Variants in ATRN observed in about 807,000 individuals in gnomAD.
ATRN encodes attractin-2.
A neutral mutation model predicts 178.7 loss-of-function variants in ATRN; 54 were observed. The ratio of observed to expected loss-of-function variants is 0.30; its 90% CI spans 0.24 to 0.38. The LOEUF (loss-of-function observed/expected upper bound fraction) is 0.38, where lower values mean the gene tolerates loss of function less well. ATRN is among the 10% of genes least tolerant of loss of function. The pLI is 1.00. For missense variants in ATRN, 1,443 were observed against 1,815.1 expected, an observed-to-expected ratio of 0.79 and a Z score of 3.73; for synonymous variants, 636 against 663.0, an observed-to-expected ratio of 0.96 and a Z score of 0.63.
intron 24 of ATRN, among the ~76,000 whole-genome samples, chr20:3,619,690 A>G (rs2086881675): frequency 6.6e-6 from 1 of 152,222 alleles, no homozygotes; most frequent in Non-Finnish European, 1.5e-5. Context: ...TCTACCCACC[A>G]TACTTAATTA....
intron 24 of ATRN, among the ~76,000 whole-genome samples, chr20:3,616,142 A>T (rs1414173202): frequency 6.6e-6 from 1 of 151,670 alleles, no homozygotes; most frequent in East Asian, 1.9e-4. Context: ...CTTTAATGCT[A>T]TTGTTCCCTT....
intron 6 of ATRN, among the ~76,000 whole-genome samples, chr20:3,556,460 G>A (rs979329933): frequency 3.3e-5 from 5 of 152,266 alleles, no homozygotes; most frequent in Admixed American, 3.3e-4. Flanking sequence ...CTTTGCCTTG[G>A]TCTTTAGGTG....
In ATRN at chr20:3,545,899, C is replaced by G; in HGVS notation, c.737+9C>G. 1 of 1,612,300 alleles carries G rather than the reference C, an allele frequency of 6.2e-7. No individual in the cohort carries two copies. The highest frequency in any genetic ancestry group is 8.5e-7 in the Non-Finnish European group (1 of 1,178,690). ...TTTAATATTACTTACAGGTAAGATA[C>G]TTAAGTCTAGTATTTGTGATTTCAT... On this transcript the variant is annotated intron_variant, in intron 4 of 28. Coordinates refer to ENST00000262919, the MANE Select transcript of ATRN (RefSeq NM_139321.3).
intron 2 of ATRN, among the ~76,000 whole-genome samples, chr20:3,538,364 A>C (rs900649235): frequency 6.6e-6 from 1 of 152,076 alleles, no homozygotes; most frequent in Non-Finnish European, 1.5e-5. Context: ...CCATTAGTAA[A>C]TGCCAGCATG....
chr20:3,496,402 G>A lies in ATRN; in HGVS notation c.410+24885G>A, dbSNP rs1345115634. 4.0e-5 allele frequency among the ~76,000 whole-genome samples: 6 copies of A among 151,578 alleles called. No homozygotes were observed. In the East Asian group the frequency reaches 5.8e-4, roughly 15 times the overall value. On this transcript the variant is annotated intron_variant, in intron 1 of 28. Coordinates refer to ENST00000262919, the MANE Select transcript of ATRN (RefSeq NM_139321.3). ...ACATCTTTATTTCTGCCTTCATTTC[G>A]TTATGTACCCAGTAGTCATTCAGGA...
At chr20:3,642,107 C>T (rs2087073745) in intron 27 of ATRN, among the ~76,000 whole-genome samples, 1 of 152,222 alleles carries the variant, frequency 6.6e-6, no homozygotes, top group South Asian at 2.1e-4. Flanking sequence ...GCTGTTCTTG[C>T]TCAGTGGTCT....
At chr20:3,589,480 T>G (rs920087363) in intron 18 of ATRN, among the ~76,000 whole-genome samples, 1 of 152,208 alleles carries the variant, frequency 6.6e-6, no homozygotes, top group African/African-American at 2.4e-5. Context: ...ATGCAATAAT[T>G]TAAGCCTTAT....
chr20:3,582,779 T>C lies in ATRN; in HGVS notation c.2764+425T>C, dbSNP rs113170420. Reference sequence around the variant, plus strand: ...GCAGGGACAGTGTTCAGAAAGGTAGTGTCAACAGGGAGAAAAATGATGAGA... The same window carrying C: ...GCAGGGACAGTGTTCAGAAAGGTAGCGTCAACAGGGAGAAAAATGATGAGA... On this transcript the variant is annotated intron_variant, in intron 16 of 28. Coordinates refer to ENST00000262919, the MANE Select transcript of ATRN (RefSeq NM_139321.3). Among the ~76,000 whole-genome samples the C allele has an allele frequency of 1.3e-3, 201 of 152,234 alleles. 2 individuals are homozygous for C. Among genetic ancestry groups the C allele is most frequent in the Middle Eastern group, 6.8e-3 (2 of 294 alleles).
At chr20:3,620,283 C>T (rs1200305602) in intron 24 of ATRN, among the ~76,000 whole-genome samples, 1 of 151,796 alleles carries the variant, frequency 6.6e-6, no homozygotes, top group Non-Finnish European at 1.5e-5. Context: ...CTCGCTCTGT[C>T]ACCCAGGCTG....
At chr20:3,557,528 C>G (rs1332613964) in intron 6 of ATRN, among the ~76,000 whole-genome samples, 2 of 152,130 alleles carry the variant, frequency 1.3e-5, no homozygotes, top group Non-Finnish European at 2.9e-5. Flanking sequence ...ACTATGAGCT[C>G]TACTTAAACA....
intron 19 of ATRN, among the ~76,000 whole-genome samples, chr20:3,592,083 A>C (rs1408793721): frequency 6.6e-6 from 1 of 152,136 alleles, no homozygotes; most frequent in Non-Finnish European, 1.5e-5. Context: ...CTCAATACTT[A>C]TAGTGTATTT....
rs1409333878 is a variant in ATRN, at chr20:3,584,810, A to T, written c.3114A>T (p.Pro1038=). The change falls in exon 18 of 29, where the codon CCA becomes CCT. Residue 1038 remains proline (P), a synonymous_variant. Transcript: ENST00000262919. ...PSQAPTGNFY[P]QPLLNSSMCL... ...AAGCCCCTACAGGAAATTTCTATCCACAGCCCCTGCTCAATTCCAGCATGT... is the reference window on the plus strand; with the variant it reads ...AAGCCCCTACAGGAAATTTCTATCCTCAGCCCCTGCTCAATTCCAGCATGT... The T allele has an allele frequency of 6.2e-7, 1 of 1,614,102 alleles. No homozygotes were observed. Among genetic ancestry groups the T allele is most frequent in the East Asian group, 2.2e-5 (1 of 44,896 alleles).
At chr20:3,628,085 T>C (rs1177023941) in intron 25 of ATRN, among the ~76,000 whole-genome samples, 1 of 152,120 alleles carries the variant, frequency 6.6e-6, no homozygotes, top group Admixed American at 6.5e-5. Context: ...GACAGGAGAA[T>C]GGCGTGAACC....
intron 23 of ATRN, among the ~76,000 whole-genome samples, chr20:3,603,548 G>T (rs1222251690): frequency 6.6e-6 from 1 of 150,962 alleles, no homozygotes; most frequent in African/African-American, 2.4e-5. Flanking sequence ...GGAGTGCAAT[G>T]GCGCAATCTT....
chr20:3,632,211 T>TC lies in ATRN; in HGVS notation c.3864-2098dup, dbSNP rs999645184. ...CCAAAGTGCTTTTCACACCTCTGCT[T>TC]CCACAGCTCTGGTTTGAGCCACCAT... is the stretch of plus-strand genomic sequence containing the variant. On this transcript the variant is annotated intron_variant, in intron 25 of 28. Transcript: ENST00000262919. This position sits in a 1 kb window ranked among gnomAD's most constrained non-coding sequence, Gnocchi z 4.2. Among the ~76,000 whole-genome samples, 1 of 152,150 alleles carries TC rather than the reference T, an allele frequency of 6.6e-6. No individual in the cohort carries two copies. Among genetic ancestry groups the TC allele is most frequent in the African/African-American group, 2.4e-5 (1 of 41,404 alleles).
intron 12 of ATRN, among the ~76,000 whole-genome samples, chr20:3,574,646 A>C (rs1171867904): frequency 1.3e-5 from 2 of 152,250 alleles, no homozygotes; most frequent in Non-Finnish European, 2.9e-5. Flanking sequence ...TCAGTGAAAT[A>C]GTTAATTTTT....
intron 1 of ATRN, among the ~76,000 whole-genome samples, chr20:3,522,879 A>C (rs937383154): frequency 1.3e-5 from 2 of 152,190 alleles, no homozygotes; most frequent in African/African-American, 4.8e-5. Context: ...ATCAACAAAA[A>C]GGACGTCCAT....
At chr20:3,481,213 T>A (rs1056956044) in intron 1 of ATRN, among the ~76,000 whole-genome samples, 1 of 152,184 alleles carries the variant, frequency 6.6e-6, no homozygotes, top group Non-Finnish European at 1.5e-5. Context: ...TTTGTCTTGC[T>A]TTTTTCCCAC....
intron 24 of ATRN, among the ~76,000 whole-genome samples, chr20:3,616,165 G>A (rs959185098): frequency 2.6e-5 from 4 of 151,968 alleles, no homozygotes; most frequent in Non-Finnish European, 5.9e-5. Flanking sequence ...GTTTCATCTG[G>A]ACTCTTTTTC....
Sources: allele counts gnomAD v4.1 joint callset (sites outside exome capture counted in the v4.1 genomes callset), GRCh38; gene constraint gnomAD v4.1.1; non-coding constraint Gnocchi (gnomAD v3.1); transcripts MANE v1.5; gene names NCBI Gene and HGNC (gene_info 2026-07-23, HGNC 2026-07-21).